The following LYPD6 variants were observed in gnomAD, a reference collection of about 807,000 sequenced individuals.
The protein encoded by LYPD6 is ly6/PLAUR domain-containing protein 6.
In LYPD6, 15 loss-of-function variants were observed where a neutral mutation model predicts 22.7. The ratio of observed to expected loss-of-function variants is 0.66; its 90% CI spans 0.44 to 1.02. LYPD6 has a LOEUF of 1.02. Ranked by LOEUF, LYPD6 falls within the 50% of genes least tolerant of loss-of-function variation. The pLI is 0.00. For synonymous variants in LYPD6, 72 were observed against 77.5 expected, an observed-to-expected ratio of 0.93 and a Z score of 0.37; for missense variants, 189 against 208.4, an observed-to-expected ratio of 0.91 and a Z score of 0.57.
intron 3 of LYPD6, among the ~76,000 whole-genome samples, chr2:149,463,024 G>T (rs1256639132): frequency 6.6e-6 from 1 of 151,868 alleles, no homozygotes; most frequent in African/African-American, 2.4e-5. Flanking sequence ...ACTCATAAAA[G>T]AAAAAATAAT....
At chr2:149,355,775 A>G (rs1681437725) in intron 1 of LYPD6, among the ~76,000 whole-genome samples, 1 of 152,102 alleles carries the variant, frequency 6.6e-6, no homozygotes, top group South Asian at 2.1e-4. Flanking sequence ...TTTCTTATCA[A>G]GTATGTAGAA....
At chr2:149,407,189 G>T (rs1394919326) in intron 1 of LYPD6, among the ~76,000 whole-genome samples, 3 of 152,138 alleles carry the variant, frequency 2.0e-5, no homozygotes, top group South Asian at 4.2e-4. Flanking sequence ...TTCAGCTTTG[G>T]TGAATCTGAC....
At chr2:149,334,780 A>AG (rs1681003756) in intron 1 of LYPD6, among the ~76,000 whole-genome samples, 1 of 151,246 alleles carries the variant, frequency 6.6e-6, no homozygotes, top group Admixed American at 6.6e-5. Context: ...TTTCTGAAGA[A>AG]GGGGGATTGA....
intron 1 of LYPD6, among the ~76,000 whole-genome samples, chr2:149,380,091 G>A (rs1426278534): frequency 1.3e-5 from 2 of 152,086 alleles, no homozygotes; most frequent in East Asian, 3.9e-4. Context: ...GAATCTTCCT[G>A]ACAGAGGAAA....
chr2:149,437,839 T>A lies in LYPD6; in HGVS notation c.118+13T>A. The stretch of plus-strand genomic sequence containing the variant: ...CTCCATCCTTCAAGTAAGACTGTTC[T>A]CTTTGCTGCAGAAATATCACTTTAT... On this transcript the variant is annotated intron_variant, in intron 2 of 4. Transcript: ENST00000334166. 6.2e-7 allele frequency: 1 copy of A among 1,612,968 alleles called. No homozygotes were observed. The highest frequency in any genetic ancestry group is 2.2e-5 in the East Asian group (1 of 44,840).
At chr2:149,347,872 A>G (rs1380225190) in intron 1 of LYPD6, among the ~76,000 whole-genome samples, 3 of 152,108 alleles carry the variant, frequency 2.0e-5, no homozygotes, top group African/African-American at 7.2e-5. Flanking sequence ...AAGCATAGCA[A>G]CTGTCAGGCA....
chr2:149,482,053 C>A, the LYPD6 span, among the ~76,000 whole-genome samples: 1 of 151,998 alleles, frequency 6.6e-6, no homozygotes, highest in Non-Finnish European at 1.5e-5. Context: ...AATCCTACCC[C>A]CAGAGATGCA....
chr2:149,360,967 C>T (rs1312411440), intron 1 of LYPD6, among the ~76,000 whole-genome samples: 1 of 152,190 alleles, frequency 6.6e-6, no homozygotes, highest in Non-Finnish European at 1.5e-5. Flanking sequence ...CAATTCTATG[C>T]ATGCGTAGGA....
intron 1 of LYPD6, among the ~76,000 whole-genome samples, chr2:149,378,008 TC>T (rs1237208083): frequency 1.3e-5 from 2 of 152,128 alleles, no homozygotes; most frequent in Admixed American, 6.5e-5. Context: ...TATTGTCTCT[TC>T]CTTTTTCTAT....
At chr2:149,426,682 C>G (rs6727099) in intron 1 of LYPD6, among the ~76,000 whole-genome samples, 44,240 of 152,074 alleles carry the variant, frequency 0.29, 8,326 homozygotes, top group African/African-American at 0.54. Context: ...CTGGGCTTCT[C>G]TCAACACAAA....
the LYPD6 span, among the ~76,000 whole-genome samples, chr2:149,481,625 A>T: frequency 6.6e-6 from 1 of 152,238 alleles, no homozygotes; most frequent in East Asian, 1.9e-4. Context: ...CAGCACATCC[A>T]CTTGATATAC....
rs1681400219 is a variant in LYPD6, at chr2:149,473,897, G to T, written c.*3047G>T. ...TACAGCTTCCCAAGAGCATGTCTTT[G>T]TTAAATCAGGAAATATAAAAATTAT... On this transcript the variant is annotated 3_prime_UTR_variant, in exon 5 of 5. Transcript: ENST00000334166. 6.6e-6 allele frequency: 1 copy of T among 152,144 alleles called. No individual in the cohort carries two copies. Among genetic ancestry groups the T allele is most frequent in the Non-Finnish European group, 1.5e-5 (1 of 68,028 alleles). The allele number at this position is 152,144 out of a possible 1,614,324, so 9.4% of individuals were successfully genotyped here.
At chr2:149,416,814 A>T (rs1444441421) in intron 1 of LYPD6, among the ~76,000 whole-genome samples, 3 of 152,194 alleles carry the variant, frequency 2.0e-5, no homozygotes, top group African/African-American at 7.2e-5. Context: ...CTTTCAGAAG[A>T]TCGCCTCCTA....
intron 1 of LYPD6, among the ~76,000 whole-genome samples, chr2:149,421,614 A>G (rs1470134598): frequency 1.3e-5 from 2 of 152,062 alleles, no homozygotes; most frequent in Non-Finnish European, 2.9e-5. Context: ...ATTCAGTCCT[A>G]TAGTAAGTGC....
At chr2:149,338,007 AT>A (rs35757769) in intron 1 of LYPD6, among the ~76,000 whole-genome samples, 96,004 of 151,906 alleles carry the variant, frequency 0.63, 30,729 homozygotes, top group East Asian at 0.89. Context: ...TATGTACCAC[AT>A]TTTTTTTAAT....
intron 1 of LYPD6, among the ~76,000 whole-genome samples, chr2:149,379,185 A>G (rs1682004233): frequency 6.6e-6 from 1 of 152,170 alleles, no homozygotes; most frequent in Non-Finnish European, 1.5e-5. Context: ...AGAAAAAAAC[A>G]GCATTTATGC....
chr2:149,369,638 G>A (rs1681760918), intron 1 of LYPD6, among the ~76,000 whole-genome samples: 1 of 152,144 alleles, frequency 6.6e-6, no homozygotes, highest in Admixed American at 6.5e-5. Flanking sequence ...ATGGGCAGCT[G>A]AAATGATAGG....
chr2:149,470,718 C>A lies in LYPD6; in HGVS notation c.384C>A (p.Asn128Lys). 6.2e-7 allele frequency: 1 copy of A among 1,613,754 alleles called. No individual in the cohort carries two copies. The highest frequency in any genetic ancestry group is 8.5e-7 in the Non-Finnish European group (1 of 1,179,734). ...CTSCCEGNIC[N>K]LPLPRNETDA... The stretch of plus-strand genomic sequence containing the variant: ...CTTGTTGTGAAGGAAATATCTGTAA[C>A]TTGCCACTGCCCCGAAATGAAACTG... Residue 128 changes from asparagine (N) to lysine (K), a missense_variant, in exon 5 of 5, where the codon AAC (asparagine) becomes AAA (lysine). Transcript: ENST00000334166.
chr2:149,432,096 AAAAAG>A (rs1391904331), intron 1 of LYPD6, among the ~76,000 whole-genome samples: 4 of 152,314 alleles, frequency 2.6e-5, no homozygotes, highest in South Asian at 2.1e-4. Flanking sequence ...AATTTTTTTA[AAAAAG>A]AAAAGAAAAG....
Sources: allele counts gnomAD v4.1 joint callset (sites outside exome capture counted in the v4.1 genomes callset), GRCh38; gene constraint gnomAD v4.1.1; transcripts MANE v1.5; gene names NCBI Gene and HGNC (gene_info 2026-07-23, HGNC 2026-07-21).